Variants in TOP3A observed in about 807,000 individuals in gnomAD.
TOP3A encodes DNA topoisomerase III alpha.
Under a neutral mutation model 111.3 loss-of-function variants are expected in TOP3A, and 64 were observed. The observed-to-expected ratio is 0.57, with a 90% CI of 0.47 to 0.71. TOP3A has a LOEUF of 0.71. Ranked by LOEUF, TOP3A falls within the 30% of genes least tolerant of loss-of-function variation. TOP3A has a pLI of 0.00. For missense variants in TOP3A, 1,104 were observed against 1,285.0 expected (o/e 0.86, Z 2.15); for synonymous variants, 484 against 485.1 (o/e 1.00, Z 0.03).
chr17:18,312,952 T>C (rs150491628), intron 1 of TOP3A: 12 of 152,172 alleles, frequency 7.9e-5, no homozygotes, highest in African/African-American at 2.7e-4. Flanking sequence ...CTACTAAAAA[T>C]ACAAAAAATT....
chr17:18,286,323 G>A (rs1257005489), intron 13 of TOP3A, among the ~76,000 whole-genome samples: 3 of 137,946 alleles, frequency 2.2e-5, no homozygotes, highest in Non-Finnish European at 4.6e-5. Flanking sequence ...CTAACACGGT[G>A]AAACCCCGTC....
At chr17:18,294,216 G>A (rs1359528008) in intron 10 of TOP3A, among the ~76,000 whole-genome samples, 4 of 152,176 alleles carry the variant, frequency 2.6e-5, no homozygotes, top group African/African-American at 9.7e-5. Context: ...TTTTTACATA[G>A]AAACACCTTT....
At chr17:18,285,012 G>T in intron 15 of TOP3A, 130 bp downstream of exon 15, 1 of 1,083,508 alleles carries the variant, frequency 9.2e-7, no homozygotes, top group Admixed American at 2.0e-5. Flanking sequence ...GACTGGCCCA[G>T]ATGCGGTGGC....
intron 1 of TOP3A, among the ~76,000 whole-genome samples, chr17:18,311,528 A>G (rs575699655): frequency 1.3e-5 from 2 of 152,148 alleles, no homozygotes; most frequent in African/African-American, 4.8e-5. Flanking sequence ...TCACGACCTC[A>G]GGTGGTCTGC....
In TOP3A at chr17:18,271,539, G is replaced by A. The variant is rs1379291161; in HGVS notation, c.*3263C>T. On this transcript the variant is annotated 3_prime_UTR_variant, in exon 19 of 19. Coordinates refer to ENST00000321105, the MANE Select transcript of TOP3A (RefSeq NM_004618.5). ...CGGATGAGGCAACTGGGGCTCCAAG[G>A]ATGAGGCTGCACACCCAGGGTGGCA... The A allele has an allele frequency of 4.1e-5, 9 of 218,098 alleles. No individual in the cohort carries two copies. Among genetic ancestry groups the A allele is most frequent in the Admixed American group, 1.8e-4 (3 of 16,872 alleles). The allele number at this position is 218,098 out of a possible 1,614,324, so 13.5% of individuals were successfully genotyped here. A position where few individuals can be genotyped will look rare whatever the true frequency, so the allele number is the denominator to read the frequency against.
At chr17:18,311,133 TG>T (rs1981885578) in intron 1 of TOP3A, among the ~76,000 whole-genome samples, 1 of 151,574 alleles carries the variant, frequency 6.6e-6, no homozygotes, top group African/African-American at 2.4e-5. Context: ...CCCGAGTAGC[TG>T]GGACTACAGG....
At chr17:18,307,903 C>T (rs1352137328) in intron 3 of TOP3A, among the ~76,000 whole-genome samples, 1 of 127,974 alleles carries the variant, frequency 7.8e-6, no homozygotes, top group Admixed American at 8.0e-5. Context: ...CAGCGAGACC[C>T]TGACTCAAAA....
chr17:18,307,752 T>G (rs777740488), intron 3 of TOP3A, among the ~76,000 whole-genome samples: 7 of 148,672 alleles, frequency 4.7e-5, no homozygotes, highest in Non-Finnish European at 1.0e-4. Flanking sequence ...TCTACTAAAA[T>G]AGAAAAAATT....
chr17:18,304,967 G>A, intron 5 of TOP3A, 145 bp downstream of exon 5: 1 of 717,990 alleles, frequency 1.4e-6, no homozygotes. Context: ...ATTTGCTCCA[G>A]GACACATGGC....
chr17:18,311,264 T>A (rs143904677), intron 1 of TOP3A, among the ~76,000 whole-genome samples: 68 of 151,692 alleles, frequency 4.5e-4, no homozygotes, highest in African/African-American at 1.6e-3. Flanking sequence ...CCTCCCAGAG[T>A]GCTGGGATTA....
chr17:18,276,043 G>A (rs1979350962), intron 18 of TOP3A, among the ~76,000 whole-genome samples: 2 of 152,178 alleles, frequency 1.3e-5, no homozygotes, highest in South Asian at 2.1e-4. Flanking sequence ...GAGGTGCGAT[G>A]TGCCTGCTGC....
At chr17:18,306,705 A>AG (rs1981599016) in intron 4 of TOP3A, 186 bp downstream of exon 4, 1 of 545,266 alleles carries the variant, frequency 1.8e-6, no homozygotes, top group African/African-American at 1.9e-5. Context: ...TCATAAAAAA[A>AG]GTTTACTTCA....
At chr17:18,277,055 A>G (rs1399042003) in intron 18 of TOP3A, among the ~76,000 whole-genome samples, 1 of 152,128 alleles carries the variant, frequency 6.6e-6, no homozygotes, top group Non-Finnish European at 1.5e-5. Flanking sequence ...GTGGTGGTGC[A>G]TGCCTGTAAT....
chr17:18,305,498 GCGCGCGCACGCACACTT>G (rs1334367646), intron 4 of TOP3A, among the ~76,000 whole-genome samples: 4 of 122,800 alleles, frequency 3.3e-5, no homozygotes. Flanking sequence ...GCGCGCGCGC[GCGCGCGCACGCACACTT>G]CGAGAGGTTC....
intron 17 of TOP3A, chr17:18,280,309 C>T: frequency 2.5e-6 from 1 of 398,480 alleles, no homozygotes; most frequent in Non-Finnish European, 4.5e-6. Flanking sequence ...CTTCATGGTT[C>T]TTTGCCCATG....
chr17:18,271,913 CA>C lies in TOP3A; in HGVS notation c.*2888del. On this transcript the variant is annotated 3_prime_UTR_variant, in exon 19 of 19. Coordinates refer to ENST00000321105, the MANE Select transcript of TOP3A (RefSeq NM_004618.5). ...CCCCGTCTTTACTAAAAATACTAAACAAATTAGCTGGGTGTGGAGGCAGATG... is the reference window on the plus strand; with the variant it reads ...CCCCGTCTTTACTAAAAATACTAAACAATTAGCTGGGTGTGGAGGCAGATG... 1 of 320,858 alleles carries C rather than the reference CA, an allele frequency of 3.1e-6. No homozygotes were observed. Among genetic ancestry groups the C allele is most frequent in the South Asian group, 2.2e-5 (1 of 44,548 alleles). The allele number at this position is 320,858 out of a possible 1,614,324, so 19.9% of individuals were successfully genotyped here. A position where few individuals can be genotyped will look rare whatever the true frequency, so the allele number is the denominator to read the frequency against.
intron 3 of TOP3A, 60 bp downstream of exon 3, chr17:18,308,291 C>T (rs1981710352): frequency 2.1e-6 from 2 of 967,808 alleles, no homozygotes; most frequent in African/African-American, 3.4e-5. Flanking sequence ...CCTCAAAATT[C>T]CTGTGAAATT....
chr17:18,309,776 C>A (rs1981801869), intron 1 of TOP3A, among the ~76,000 whole-genome samples: 1 of 132,916 alleles, frequency 7.5e-6, no homozygotes, highest in Non-Finnish European at 1.5e-5. Flanking sequence ...GTGGCGTGAT[C>A]TCGGCTCACT....
intron 13 of TOP3A, among the ~76,000 whole-genome samples, chr17:18,287,160 G>C (rs1407328180): frequency 6.6e-6 from 1 of 152,088 alleles, no homozygotes; most frequent in Non-Finnish European, 1.5e-5. Flanking sequence ...CACTTTGGGA[G>C]GTTGAGGTAG....
Sources: allele counts gnomAD v4.1 joint callset (sites outside exome capture counted in the v4.1 genomes callset), GRCh38; gene constraint gnomAD v4.1.1; transcripts MANE v1.5; gene names NCBI Gene and HGNC (gene_info 2026-07-23, HGNC 2026-07-21).